EYS: variants seen among roughly 807,000 people sequenced by gnomAD.
EYS encodes EGF-like photoreceptor maintenance factor.
A neutral mutation model predicts 282.1 loss-of-function variants in EYS; 250 were observed. The observed-to-expected ratio is 0.89, with a 90% CI of 0.80 to 0.98. The LOEUF is 0.98. Ranked by LOEUF, EYS falls within the 50% of genes least tolerant of loss-of-function variation. The pLI is 0.00. For synonymous variants in EYS, 1,355 were observed against 1,282.9 expected, an observed-to-expected ratio of 1.06 and a Z score of -1.20; for missense variants, 4,016 against 3,709.0, an observed-to-expected ratio of 1.08 and a Z score of -2.15.
chr6:65,220,842 A>T (rs138108881), intron 12 of EYS, among the ~76,000 whole-genome samples: 250 of 152,260 alleles, frequency 1.6e-3, no homozygotes, highest in African/African-American at 5.8e-3. Flanking sequence ...AATAAAGTAC[A>T]GGTTGAGGTG....
intron 22 of EYS, chr6:64,728,749 A>C (rs1457900586): frequency 1.3e-5 from 2 of 152,300 alleles, no homozygotes; most frequent in Non-Finnish European, 2.9e-5. Context: ...AAGGGCAAAG[A>C]GTCAGTGTGA....
intron 14 of EYS, among the ~76,000 whole-genome samples, chr6:64,993,633 G>T (rs28710139): frequency 0.067 from 10,031 of 149,130 alleles, 425 homozygotes; most frequent in East Asian, 0.13. Flanking sequence ...GTTAAATGAC[G>T]AGTTAATGGG....
At chr6:64,966,247 T>C (rs756186132) in intron 14 of EYS, among the ~76,000 whole-genome samples, 1 of 152,166 alleles carries the variant, frequency 6.6e-6, no homozygotes, top group African/African-American at 2.4e-5. Flanking sequence ...TGCTAATGGA[T>C]AGATTATTTT....
chr6:65,485,853 G>C (rs891753151), intron 5 of EYS, among the ~76,000 whole-genome samples: 1 of 152,050 alleles, frequency 6.6e-6, no homozygotes, highest in Non-Finnish European at 1.5e-5. Context: ...ACTTCAAACT[G>C]ATAATCAGTT....
At chr6:64,646,636 T>C (rs1377033657) in intron 22 of EYS, among the ~76,000 whole-genome samples, 1 of 151,840 alleles carries the variant, frequency 6.6e-6, no homozygotes, top group Non-Finnish European at 1.5e-5. Flanking sequence ...ACCCCGTCTC[T>C]ACTAAAAATA....
chr6:63,753,736 G>A (rs755561056), intron 41 of EYS, among the ~76,000 whole-genome samples: 1 of 152,168 alleles, frequency 6.6e-6, no homozygotes, highest in African/African-American at 2.4e-5. Context: ...AGATTTGAGT[G>A]GAGACAGAGA....
At chr6:64,951,932 C>T in intron 14 of EYS, among the ~76,000 whole-genome samples, 1 of 151,782 alleles carries the variant, frequency 6.6e-6, no homozygotes, top group South Asian at 2.1e-4. Flanking sequence ...TGAGAATTTT[C>T]AAAAGATGGC....
At chr6:65,326,697 A>C (rs1335675197) in intron 11 of EYS, among the ~76,000 whole-genome samples, 1 of 151,664 alleles carries the variant, frequency 6.6e-6, no homozygotes, top group Non-Finnish European at 1.5e-5. Flanking sequence ...ATGCTATGCA[A>C]TTGAAAGCAT....
intron 35 of EYS, among the ~76,000 whole-genome samples, chr6:63,864,666 T>C (rs1187563348): frequency 3.3e-5 from 5 of 152,166 alleles, no homozygotes; most frequent in African/African-American, 1.2e-4. Context: ...CAGGGCTTCA[T>C]TGAATATGTG....
Position 65,693,459 on chromosome 6 carries a change from A to G in EYS, c.-448+13676T>C, listed in dbSNP as rs990677762. On this transcript the variant is annotated intron_variant, in intron 1 of 42. Transcript: ENST00000503581. Reference sequence around the variant, plus strand: ...GCCATAGTTACAACAAAACTGTACCAGTGGTGGTTTATAAAATGCAAGAGA... The same window carrying G: ...GCCATAGTTACAACAAAACTGTACCGGTGGTGGTTTATAAAATGCAAGAGA... Among the ~76,000 whole-genome samples the G allele has an allele frequency of 2.6e-4, 36 of 139,562 alleles. 2 individuals are homozygous for G. Among genetic ancestry groups the G allele is most frequent in the Non-Finnish European group, 5.2e-4 (34 of 65,588 alleles). 91.6% of individuals were successfully genotyped at this position (139,562 alleles called of 152,430 possible).
intron 29 of EYS, among the ~76,000 whole-genome samples, chr6:64,307,987 A>T (rs998985549): frequency 6.6e-6 from 1 of 152,036 alleles, no homozygotes; most frequent in South Asian, 2.1e-4. Context: ...AAATTACATA[A>T]TTACAGTAAA....
chr6:64,661,245 A>C (rs1769004720), intron 22 of EYS, among the ~76,000 whole-genome samples: 1 of 152,202 alleles, frequency 6.6e-6, no homozygotes, highest in African/African-American at 2.4e-5. Context: ...TTCAAGATGG[A>C]TTAGAGACTT....
intron 35 of EYS, among the ~76,000 whole-genome samples, chr6:63,925,492 C>T (rs977899312): frequency 2.0e-5 from 3 of 152,130 alleles, no homozygotes; most frequent in Non-Finnish European, 2.9e-5. Flanking sequence ...ATTACTTTCA[C>T]GTATTTCTGG....
At chr6:65,418,890 C>T (rs778106194) in intron 5 of EYS, among the ~76,000 whole-genome samples, 7 of 151,994 alleles carry the variant, frequency 4.6e-5, no homozygotes, top group South Asian at 2.1e-4. Flanking sequence ...CCACAATAAG[C>T]GAACCTCCAA....
In EYS at chr6:64,093,806, C is replaced by T. The variant is rs573162448; in HGVS notation, c.6425-11804G>A. On this transcript the variant is annotated intron_variant, in intron 31 of 42. Transcript: ENST00000503581. ...CCAACACTATGTTGAATAGGAGTGG[C>T]GAGAGAGGTCATCCCTGTCTTGTGC... 1.5e-4 allele frequency among the ~76,000 whole-genome samples: 23 copies of T among 152,140 alleles called. 1 individual carries two copies. The highest frequency in any genetic ancestry group is 5.8e-4 in the East Asian group (3 of 5,180).
intron 35 of EYS, among the ~76,000 whole-genome samples, chr6:63,908,043 T>TACAC (rs1318760852): frequency 2.4e-5 from 1 of 41,534 alleles, no homozygotes; most frequent in Non-Finnish European, 4.1e-5. Context: ...CGTTTGTGTG[T>TACAC]GTGTGTGTGT....
chr6:65,611,777 T>C (rs2149795402), intron 2 of EYS, among the ~76,000 whole-genome samples: 1 of 152,130 alleles, frequency 6.6e-6, no homozygotes, highest in African/African-American at 2.4e-5. Context: ...TAAAAGGGCC[T>C]CAAACCCACT....
At chr6:65,213,262 C>T (rs1473094288) in intron 12 of EYS, among the ~76,000 whole-genome samples, 1 of 152,212 alleles carries the variant, frequency 6.6e-6, no homozygotes, top group Non-Finnish European at 1.5e-5. Flanking sequence ...CCTGCGGCAA[C>T]TCTGCTGGAG....
chr6:65,166,038 T>C (rs1294205248), intron 12 of EYS, among the ~76,000 whole-genome samples: 1 of 151,102 alleles, frequency 6.6e-6, no homozygotes, highest in Non-Finnish European at 1.5e-5. Flanking sequence ...TCAAAAGTAA[T>C]ATAAGAGCTA....
Sources: allele counts gnomAD v4.1 joint callset (sites outside exome capture counted in the v4.1 genomes callset), GRCh38; gene constraint gnomAD v4.1.1; transcripts MANE v1.5; gene names NCBI Gene and HGNC (gene_info 2026-07-23, HGNC 2026-07-21).